The following GPM6B variants were observed in gnomAD, a reference collection of about 807,000 sequenced individuals.
GPM6B encodes the protein neuronal membrane glycoprotein M6-b.
In GPM6B, 4 loss-of-function variants were observed where a neutral mutation model predicts 27.2. That is an observed-to-expected ratio of 0.15 (90% CI 0.07 to 0.34). The LOEUF (loss-of-function observed/expected upper bound fraction) is 0.34. Among genes scored for constraint, GPM6B ranks in the 10% least tolerant of loss-of-function variants. GPM6B has a pLI of 1.00. For synonymous variants in GPM6B, 124 were observed against 103.1 expected (o/e 1.20, Z -1.23); for missense variants, 183 against 261.9 (o/e 0.70, Z 2.08).
intron 1 of GPM6B, among the ~76,000 whole-genome samples, chrX:13,858,003 G>A (rs1226354881): frequency 1.8e-5 from 2 of 112,641 alleles, no homozygotes; most frequent in East Asian, 5.6e-4. Context: ...AGAGAAGGGA[G>A]GACCTAATTC....
At chrX:13,838,477 G>C (rs1237011067) in intron 1 of GPM6B, among the ~76,000 whole-genome samples, 1 of 112,476 alleles carries the variant, frequency 8.9e-6, no homozygotes, top group East Asian at 2.8e-4. Flanking sequence ...AGGGCTCTGA[G>C]CTCTTTAGTG....
chrX:13,938,485 C>T, upstream of GPM6B: 4 of 941,058 alleles, frequency 4.3e-6, no homozygotes, highest in East Asian at 3.9e-5. Flanking sequence ...GGCCGTGGCG[C>T]GCAGCCAGCG....
intron 1 of GPM6B, among the ~76,000 whole-genome samples, chrX:13,811,240 G>A (rs113222360): frequency 0.024 from 2,711 of 112,339 alleles, 78 homozygotes; most frequent in African/African-American, 0.082. Context: ...CATGAAACAA[G>A]GGGAAATTGC....
chrX:13,780,233 C>T (rs1274122250), intron 4 of GPM6B, among the ~76,000 whole-genome samples: 1 of 111,318 alleles, frequency 9.0e-6, no homozygotes, highest in Non-Finnish European at 1.9e-5. Flanking sequence ...CAGGGCCTTT[C>T]GGGTCACTCT....
In GPM6B at chrX:13,785,641, G is replaced by A; in HGVS notation, c.349C>T (p.His117Tyr). The A allele has an allele frequency of 8.3e-7, 1 of 1,211,220 alleles. No homozygotes were observed. The highest frequency in any genetic ancestry group is 1.7e-5 in the African/African-American group (1 of 57,748). ...ACTTACACCTCGCTCAGCAAGGCAT[G>A]GTCACTGGCGTTGGTGGAGAAGTGT... Reference protein sequence around the residue: ...EQHFSTNASDHALLSEVIQLM... With the variant: ...EQHFSTNASDYALLSEVIQLM... The change falls in exon 3 of 8, where the codon CAT becomes TAT. Residue 117 changes from histidine to tyrosine, a missense_variant. Physicochemically the swap from His to Tyr is moderately conservative, Grantham distance 83. Coordinates refer to ENST00000316715, the MANE Select transcript of GPM6B (RefSeq NM_001001995.3).
chrX:13,891,296 C>G (rs773302235), intron 1 of GPM6B, among the ~76,000 whole-genome samples: 1 of 111,011 alleles, frequency 9.0e-6, no homozygotes, highest in African/African-American at 3.3e-5. Flanking sequence ...AACCAGACCC[C>G]CAGGTGATTC....
At chrX:13,876,857 C>T (rs2050038830) in intron 1 of GPM6B, among the ~76,000 whole-genome samples, 1 of 110,656 alleles carries the variant, frequency 9.0e-6, no homozygotes, top group Admixed American at 9.6e-5. Context: ...ATGCACATAC[C>T]ATGATGCTGT....
chrX:13,927,120 C>G (rs1340550827), intron 1 of GPM6B, among the ~76,000 whole-genome samples: 11 of 108,621 alleles, frequency 1.0e-4, no homozygotes, highest in African/African-American at 3.7e-4. Context: ...CCCAAATGAC[C>G]AATAACCTAC....
At chrX:13,923,769 C>A (rs1015462033) in intron 1 of GPM6B, among the ~76,000 whole-genome samples, 3 of 112,243 alleles carry the variant, frequency 2.7e-5, no homozygotes, top group Non-Finnish European at 3.8e-5. Context: ...TTCTTTCAAC[C>A]AAGAATTTGC....
chrX:13,847,233 T>C (rs763804566), intron 1 of GPM6B, among the ~76,000 whole-genome samples: 1 of 111,672 alleles, frequency 9.0e-6, no homozygotes, highest in Non-Finnish European at 1.9e-5. Flanking sequence ...ACAGGAAAAT[T>C]TGGCAGAAAA....
chrX:13,816,947 A>G lies in GPM6B; in HGVS notation c.-43T>C. ...CTTTTCCCCCTGTTCCCCCCAACAC[A>G]CACTTGTTTTTCCTCCTCTTCCTTT... On this transcript the variant is annotated 5_prime_UTR_variant, in exon 1 of 8. Transcript: ENST00000316715. 3.4e-6 allele frequency: 4 copies of G among 1,163,916 alleles called. No homozygotes were observed. The highest frequency in any genetic ancestry group is 1.1e-6 in the Non-Finnish European group (1 of 875,124).
intron 1 of GPM6B, among the ~76,000 whole-genome samples, chrX:13,883,987 C>T (rs969046265): frequency 9.0e-6 from 1 of 111,568 alleles, no homozygotes; most frequent in Non-Finnish European, 1.9e-5. Context: ...ACCAGCATGG[C>T]CAACATGGTA....
chrX:13,898,515 G>C (rs1226003387), intron 1 of GPM6B, among the ~76,000 whole-genome samples: 3 of 112,216 alleles, frequency 2.7e-5, no homozygotes. Flanking sequence ...ACTTGAATGA[G>C]AATCTGCAAT....
chrX:13,796,148 C>T (rs1201788323), intron 2 of GPM6B, among the ~76,000 whole-genome samples: 1 of 111,657 alleles, frequency 9.0e-6, no homozygotes, highest in Admixed American at 9.5e-5. Context: ...TGGTCTCGAA[C>T]TCCTGACCTC....
intron 4 of GPM6B, among the ~76,000 whole-genome samples, chrX:13,780,653 G>C (rs960640050): frequency 8.9e-6 from 1 of 112,017 alleles, no homozygotes; most frequent in African/African-American, 3.2e-5. Context: ...TGCAAGCAAA[G>C]CAACGGCTTA....
intron 1 of GPM6B, among the ~76,000 whole-genome samples, chrX:13,814,356 G>C (rs4295806): frequency 4.5e-5 from 5 of 110,444 alleles, no homozygotes. Flanking sequence ...AGAAACACAG[G>C]AAAAAAAATA....
chrX:13,841,701 C>T (rs1208281936), intron 1 of GPM6B, among the ~76,000 whole-genome samples: 1 of 111,537 alleles, frequency 9.0e-6, no homozygotes, highest in African/African-American at 3.3e-5. Flanking sequence ...TCTCCCACTT[C>T]AAATCACAGG....
chrX:13,885,011 G>C (rs2050121588), intron 1 of GPM6B, among the ~76,000 whole-genome samples: 1 of 111,586 alleles, frequency 9.0e-6, no homozygotes, highest in African/African-American at 3.3e-5. Context: ...ACATTTGTTG[G>C]GCATCTCTAT....
intron 1 of GPM6B, among the ~76,000 whole-genome samples, chrX:13,933,968 A>C (rs748111298): frequency 9.0e-6 from 1 of 111,681 alleles, no homozygotes; most frequent in South Asian, 3.9e-4. Flanking sequence ...AAGTTAAACA[A>C]AATGTTTAGG....
Sources: allele counts gnomAD v4.1 joint callset (sites outside exome capture counted in the v4.1 genomes callset), GRCh38; gene constraint gnomAD v4.1.1; transcripts MANE v1.5; gene names NCBI Gene and HGNC (gene_info 2026-07-23, HGNC 2026-07-21).